CLN6: variants seen among roughly 807,000 people sequenced by gnomAD.
CLN6 encodes CLN6 transmembrane ER protein.
CLN6 carries 22 observed loss-of-function variants against 33.3 expected under a neutral mutation model. The ratio of observed to expected loss-of-function variants is 0.66; its 90% CI spans 0.47 to 0.94. The LOEUF (loss-of-function observed/expected upper bound fraction) is 0.94, where lower values mean the gene tolerates loss of function less well. Among genes scored for constraint, CLN6 ranks in the 40% least tolerant of loss-of-function variants. The pLI is 0.00. For missense variants in CLN6, 387 were observed against 417.1 expected (o/e 0.93, Z 0.63); for synonymous variants, 201 against 174.6 (o/e 1.15, Z -1.19).
Position 68,229,680 on chromosome 15 carries a change from G to C in CLN6, c.-96C>G. On this transcript the variant is annotated 5_prime_UTR_variant, in exon 1 of 7. Coordinates refer to ENST00000249806, the MANE Select transcript of CLN6 (RefSeq NM_017882.3). ...AGGCCGCCGCAAATTCCCAGCGCGG[G>C]GCGGTTCGGGGCGGGCCGGCGAGAG... 1 of 993,354 alleles carries C rather than the reference G, an allele frequency of 1.0e-6. No homozygotes were observed. The highest frequency in any genetic ancestry group is 1.3e-6 in the Non-Finnish European group (1 of 747,364). The allele number at this position is 993,354 out of a possible 1,614,324, so 61.5% of individuals were successfully genotyped here. A position where few individuals can be genotyped will look rare whatever the true frequency, so the allele number is the denominator to read the frequency against.
chr15:68,216,236 T>G (rs1249020612), intron 2 of CLN6, among the ~76,000 whole-genome samples: 1 of 152,104 alleles, frequency 6.6e-6, no homozygotes, highest in Non-Finnish European at 1.5e-5. Flanking sequence ...TAGCACCAGT[T>G]TGATGGGCAG....
rs374681194 is a variant in CLN6, at chr15:68,208,321, C to T, written c.755G>A (p.Arg252His). 8.6e-5 allele frequency: 139 copies of T among 1,613,998 alleles called. No homozygotes were observed. The highest frequency in any genetic ancestry group is 1.2e-4 in the Admixed American group (7 of 60,006). ...GAGGCCGTTGCTGTCCAGGAAGAGG[C>T]GCTTGCGCTTCTGGTGCAGGACGAG... The part of the protein sequence containing the change: ...LALVLHQKRK[R>H]LFLDSNGLFL... Residue 252 changes from arginine to histidine, a missense_variant, in exon 7 of 7, where the codon CGC becomes CAC. Coordinates refer to ENST00000249806, the MANE Select transcript of CLN6 (RefSeq NM_017882.3). This position sits in a 1 kb window ranked among gnomAD's most constrained non-coding sequence, Gnocchi z 5.8.
At chr15:68,213,856 A>G in intron 3 of CLN6, 4 of 225,792 alleles carry the variant, frequency 1.8e-5, no homozygotes, top group Non-Finnish European at 3.6e-5. Context: ...TCCAGGGCAG[A>G]GGATGGAGTT....
rs916261942 is a variant in CLN6 at position 68,255,064 on chromosome 15, C to T, written c.179+1626G>A. ...TTCACTGTGTTTTTTGGGAAAGGGG[C>T]ATATGTCACTAACAGAATGTCTCCG... On this transcript the variant is annotated intron_variant, in intron 1 of 6. Transcript: ENST00000538696. 14 of 591,948 alleles carry T rather than the reference C, an allele frequency of 2.4e-5. No homozygotes were observed. The African/African-American group carries it at 2.4e-4, about 10-fold the overall frequency. The allele number at this position is 591,948 out of a possible 1,614,324, so 36.7% of individuals were successfully genotyped here.
rs1167479392 is a variant in CLN6, at chr15:68,256,270, C to A, written c.179+420G>T. Among the ~76,000 whole-genome samples the A allele has an allele frequency of 6.6e-6, 1 of 151,980 alleles. No individual in the cohort carries two copies. Among genetic ancestry groups the A allele is most frequent in the Non-Finnish European group, 1.5e-5 (1 of 68,004 alleles). On this transcript the variant is annotated intron_variant, in intron 1 of 6. Transcript: ENST00000538696. The surrounding 1 kb of genome is among the most constrained non-coding windows in gnomAD (Gnocchi z 4.1). ...TACAGCCACGCGCCACCATGCCCAG[C>A]TAATTTTTTTGTATTTTTAGTAGAG...
rs779232100 is a variant in CLN6 at position 68,208,105 on chromosome 15, C to T, written c.*35G>A. ...AGATGCCCTCCATGGCCCACCCTCC[C>T]ACCCAGCAGAGCGCCAGAGCCTGGT... On this transcript the variant is annotated 3_prime_UTR_variant, in exon 7 of 7. Transcript: ENST00000249806. The surrounding 1 kb of genome is among the most constrained non-coding windows in gnomAD (Gnocchi z 5.8). The T allele has an allele frequency of 1.9e-6, 3 of 1,566,370 alleles. No individual in the cohort carries two copies. The highest frequency in any genetic ancestry group is 1.8e-5 in the Admixed American group (1 of 56,272).
At chr15:68,217,552 C>T (rs1230964705) in intron 2 of CLN6, among the ~76,000 whole-genome samples, 2 of 152,184 alleles carry the variant, frequency 1.3e-5, no homozygotes, top group East Asian at 3.8e-4. Context: ...TGCTAATTTG[C>T]ATGATCACTA....
rs999721416 is a variant in CLN6, at chr15:68,242,973, C to T, written c.179+13717G>A. Among the ~76,000 whole-genome samples, 1 of 152,160 alleles carries T rather than the reference C, an allele frequency of 6.6e-6. No homozygotes were observed. The highest frequency in any genetic ancestry group is 2.4e-5 in the African/African-American group (1 of 41,432). On this transcript the variant is annotated intron_variant, in intron 1 of 6. Transcript: ENST00000538696. The surrounding 1 kb of genome is among the most constrained non-coding windows in gnomAD (Gnocchi z 5.0). ...GGTTTTTCACTAAAAATAAAAGTTGCTAAGCGTTAACATTGTAATATGTAG... is the reference window on the plus strand; with the variant it reads ...GGTTTTTCACTAAAAATAAAAGTTGTTAAGCGTTAACATTGTAATATGTAG...
chr15:68,245,836 G>C (rs1387657602), intron 1 of CLN6, among the ~76,000 whole-genome samples: 1 of 151,962 alleles, frequency 6.6e-6, no homozygotes, highest in Non-Finnish European at 1.5e-5. Flanking sequence ...CTTACCAATA[G>C]AGACACACAT....
At chr15:68,244,100 AAAC>A (rs1892304007) in intron 1 of CLN6, among the ~76,000 whole-genome samples, 1 of 151,618 alleles carries the variant, frequency 6.6e-6, no homozygotes, top group African/African-American at 2.4e-5. Flanking sequence ...AACAAAAAAA[AAAC>A]TAGCTTTAAC....
At chr15:68,244,281 A>G (rs867288084) in intron 1 of CLN6, among the ~76,000 whole-genome samples, 13 of 151,730 alleles carry the variant, frequency 8.6e-5, no homozygotes, top group African/African-American at 2.7e-4. Flanking sequence ...TCAAAAGTCA[A>G]GGACACAGAA....
chr15:68,248,028 C>CAAAAAAAAAAA, intron 1 of CLN6, among the ~76,000 whole-genome samples: 1 of 118,200 alleles, frequency 8.5e-6, no homozygotes, highest in Non-Finnish European at 1.7e-5. Flanking sequence ...AACTCAGTCT[C>CAAAAAAAAAAA]AAAAAAAAAA....
chr15:68,211,651 G>C lies in CLN6; in HGVS notation c.486+24C>G, dbSNP rs2093205531. On this transcript the variant is annotated intron_variant, in intron 4 of 6. Coordinates refer to ENST00000249806, the MANE Select transcript of CLN6 (RefSeq NM_017882.3). The surrounding 1 kb of genome is among the most constrained non-coding windows in gnomAD (Gnocchi z 5.9). Reference sequence around the variant, plus strand: ...CAGACTGTGCTCCTAGGGCTTACAGGCAGGGAGCAGGAGGTGGCCTCACCA... The same window carrying C: ...CAGACTGTGCTCCTAGGGCTTACAGCCAGGGAGCAGGAGGTGGCCTCACCA... The C allele has an allele frequency of 6.2e-7, 1 of 1,612,390 alleles. No homozygotes were observed. The highest frequency in any genetic ancestry group is 8.5e-7 in the Non-Finnish European group (1 of 1,179,988).
chr15:68,225,371 G>A (rs1004678380), intron 1 of CLN6, among the ~76,000 whole-genome samples: 1 of 152,154 alleles, frequency 6.6e-6, no homozygotes, highest in Non-Finnish European at 1.5e-5. Context: ...AGATAATTAC[G>A]GTTTTAAAGC....
In CLN6 at chr15:68,227,198, T is replaced by C. The variant is rs2093254836; in HGVS notation, c.83+2304A>G. On this transcript the variant is annotated intron_variant, in intron 1 of 6. Transcript: ENST00000249806. The surrounding 1 kb of genome is among the most constrained non-coding windows in gnomAD (Gnocchi z 4.1). ...GATTACAGGCATGGGCCATCACACC[T>C]GGATAATTTTTGTATTTTTTAGTAG... Among the ~76,000 whole-genome samples, 1 of 151,838 alleles carries C rather than the reference T, an allele frequency of 6.6e-6. No homozygotes were observed. The highest frequency in any genetic ancestry group is 2.4e-5 in the African/African-American group (1 of 41,384).
At chr15:68,226,454 A>G (rs935556179) in intron 1 of CLN6, among the ~76,000 whole-genome samples, 1 of 152,088 alleles carries the variant, frequency 6.6e-6, no homozygotes, top group African/African-American at 2.4e-5. Flanking sequence ...TGGAGATAAT[A>G]GTAGATCCTA....
At position 68,242,356 on chromosome 15, in the gene CLN6, G is replaced by A. The variant is rs1033351498; in HGVS notation, c.179+14334C>T. 6.6e-5 allele frequency among the ~76,000 whole-genome samples: 10 copies of A among 152,058 alleles called. No homozygotes were observed. Among genetic ancestry groups the A allele is most frequent in the African/African-American group, 2.2e-4 (9 of 41,408 alleles). ...GAAAGAATCCATAATCTCAAAGATA[G>A]GCTATTTGAAATTACATAGAGGAGA... On this transcript the variant is annotated intron_variant, in intron 1 of 6. Transcript: ENST00000538696. This position sits in a 1 kb window ranked among gnomAD's most constrained non-coding sequence, Gnocchi z 5.0.
At position 68,246,102 on chromosome 15, in the gene CLN6, TG is replaced by T. The variant is rs1892327165; in HGVS notation, c.179+10587del. ...AATCAACCTAAAGGCAGAGATAGAC[TG>T]TAATACAATACAGTAGGGGACTTCA... On this transcript the variant is annotated intron_variant, in intron 1 of 6. Transcript: ENST00000538696. This position sits in a 1 kb window ranked among gnomAD's most constrained non-coding sequence, Gnocchi z 4.5. 4.6e-5 allele frequency among the ~76,000 whole-genome samples: 7 copies of T among 152,112 alleles called. No individual in the cohort carries two copies. The highest frequency in any genetic ancestry group is 1.0e-4 in the Non-Finnish European group (7 of 68,028).
intron 2 of CLN6, chr15:68,218,302 C>T (rs1007937593): frequency 6.5e-6 from 3 of 459,142 alleles, no homozygotes; most frequent in African/African-American, 6.0e-5. Flanking sequence ...TGTTCAGGAC[C>T]ACCAGTTCCC....
Sources: gnomAD v4.1 joint callset for allele counts (sites outside exome capture counted in the v4.1 genomes callset) on GRCh38, gnomAD v4.1.1 for gene constraint, Gnocchi (gnomAD v3.1) non-coding constraint, MANE v1.5 for transcripts, NCBI Gene and HGNC (gene_info 2026-07-23, HGNC 2026-07-21) for gene names.